The following ACTN2 variants were observed in gnomAD, a reference collection of about 807,000 sequenced individuals.
ACTN2 encodes the protein alpha-actinin-2.
ACTN2 carries 39 observed loss-of-function variants against 113.8 expected under a neutral mutation model. The observed-to-expected ratio is 0.34, with a 90% CI of 0.27 to 0.45. The LOEUF is 0.45. ACTN2 is among the 20% of genes least tolerant of loss of function. ACTN2 has a pLI of 1.00. For synonymous variants in ACTN2, 429 were observed against 444.1 expected (o/e 0.97, Z 0.43); for missense variants, 992 against 1,177.9 (o/e 0.84, Z 2.31).
intron 1 of ACTN2, among the ~76,000 whole-genome samples, chr1:236,689,764 T>C (rs748162632): frequency 1.3e-5 from 2 of 152,218 alleles, no homozygotes; most frequent in Non-Finnish European, 2.9e-5. Flanking sequence ...AATTGGGACC[T>C]CTTCAGTGGA....
chr1:236,716,099 CTTTTTTTTTT>C (rs74259944), intron 1 of ACTN2, among the ~76,000 whole-genome samples: 2 of 118,136 alleles, frequency 1.7e-5, no homozygotes, highest in Non-Finnish European at 3.5e-5. Context: ...CCTTCTTCTT[CTTTTTTTTTT>C]TTTTTTTGGT....
intron 1 of ACTN2, among the ~76,000 whole-genome samples, chr1:236,703,234 T>A (rs1264395778): frequency 6.6e-6 from 1 of 152,090 alleles, no homozygotes; most frequent in East Asian, 1.9e-4. Context: ...GTAAGGCTGT[T>A]TGTTGGGAGC....
At chr1:236,746,615 A>G (rs943865847) in intron 12 of ACTN2, among the ~76,000 whole-genome samples, 2 of 151,844 alleles carry the variant, frequency 1.3e-5, no homozygotes, top group East Asian at 3.9e-4. Flanking sequence ...CTAAGACAGG[A>G]GGATCACTTG....
At chr1:236,698,423 C>G (rs533425470) in intron 1 of ACTN2, among the ~76,000 whole-genome samples, 71 of 152,250 alleles carry the variant, frequency 4.7e-4, no homozygotes, top group Non-Finnish European at 8.7e-4. Flanking sequence ...AAACCGTAAT[C>G]CACTTAGAGA....
At chr1:236,721,819 G>A (rs561470426) in intron 4 of ACTN2, among the ~76,000 whole-genome samples, 87 of 152,266 alleles carry the variant, frequency 5.7e-4, no homozygotes, top group Non-Finnish European at 1.1e-3. Context: ...AGGTGAAGTT[G>A]ACCTCAAGTT....
At chr1:236,720,621 T>C (rs1658357353) in intron 4 of ACTN2, among the ~76,000 whole-genome samples, 1 of 152,170 alleles carries the variant, frequency 6.6e-6, no homozygotes, top group Non-Finnish European at 1.5e-5. Context: ...TTTTCTTTTT[T>C]CTTCTTTTTC....
At chr1:236,696,996 A>T (rs186892963) in intron 1 of ACTN2, among the ~76,000 whole-genome samples, 1 of 152,148 alleles carries the variant, frequency 6.6e-6, no homozygotes, top group African/African-American at 2.4e-5. Flanking sequence ...CCCTTGACCA[A>T]TACCACAAAA....
At chr1:236,691,766 A>G (rs1315093474) in intron 1 of ACTN2, among the ~76,000 whole-genome samples, 1 of 152,242 alleles carries the variant, frequency 6.6e-6, no homozygotes, top group Non-Finnish European at 1.5e-5. Flanking sequence ...AGGTAAGAGT[A>G]TAGAAGGAGA....
intron 4 of ACTN2, among the ~76,000 whole-genome samples, chr1:236,721,943 T>C (rs1450093896): frequency 6.6e-6 from 1 of 152,180 alleles, no homozygotes; most frequent in African/African-American, 2.4e-5. Context: ...AAAATTGTTA[T>C]TAACATGCCC....
intron 7 of ACTN2, chr1:236,734,405 C>A: frequency 6.7e-7 from 1 of 1,481,788 alleles, no homozygotes; most frequent in Non-Finnish European, 9.1e-7. Context: ...AGAACATCCA[C>A]GCGGTTAACC....
At chr1:236,755,737 G>A (rs375160282) in intron 17 of ACTN2, among the ~76,000 whole-genome samples, 2 of 97,888 alleles carry the variant, frequency 2.0e-5, no homozygotes, top group African/African-American at 7.7e-5. Context: ...AGTATATACT[G>A]CAGAGTGCCC....
intron 1 of ACTN2, among the ~76,000 whole-genome samples, chr1:236,704,853 C>T (rs780732832): frequency 1.3e-5 from 2 of 152,110 alleles, no homozygotes; most frequent in Non-Finnish European, 2.9e-5. Context: ...TGTGATTGGA[C>T]AAAAAGGCTG....
At chr1:236,689,286 A>C (rs1665982997) in intron 1 of ACTN2, among the ~76,000 whole-genome samples, 1 of 147,200 alleles carries the variant, frequency 6.8e-6, no homozygotes, top group Admixed American at 6.8e-5. Flanking sequence ...AAATGCCTGC[A>C]GTATTACAGA....
intron 1 of ACTN2, among the ~76,000 whole-genome samples, chr1:236,713,186 A>C (rs1242448400): frequency 6.6e-6 from 1 of 151,550 alleles, no homozygotes; most frequent in Non-Finnish European, 1.5e-5. Flanking sequence ...ATTTATACTG[A>C]TATGGAATGA....
intron 1 of ACTN2, among the ~76,000 whole-genome samples, chr1:236,691,030 C>G (rs988093202): frequency 1.3e-5 from 2 of 150,998 alleles, no homozygotes; most frequent in Non-Finnish European, 2.9e-5. Flanking sequence ...CTCCGTCTCC[C>G]GGGTTCAAGC....
At chr1:236,759,663 C>A in intron 18 of ACTN2, 61 bp from the exon 19 acceptor site, 1 of 1,412,444 alleles carries the variant, frequency 7.1e-7, no homozygotes, top group South Asian at 1.2e-5. Flanking sequence ...TTCAGTTGGT[C>A]AAGTAGAGTT....
At chr1:236,758,685 T>C (rs1659621066) in intron 18 of ACTN2, among the ~76,000 whole-genome samples, 2 of 151,654 alleles carry the variant, frequency 1.3e-5, no homozygotes, top group South Asian at 4.2e-4. Context: ...AATGGTGTGA[T>C]CTCAGCTCCC....
At position 236,742,878 on chromosome 1, in the gene ACTN2, G is replaced by T; in HGVS notation, c.1108-18G>T. Reference sequence around the variant, plus strand: ...TGCTTGTTACACATTTGCTTCCCTTGGCTTCCAACCATCCCAGGATATTGC... The same window carrying T: ...TGCTTGTTACACATTTGCTTCCCTTTGCTTCCAACCATCCCAGGATATTGC... On this transcript the variant is annotated intron_variant, in intron 10 of 20. Coordinates refer to ENST00000366578, the MANE Select transcript of ACTN2 (RefSeq NM_001103.4). The T allele has an allele frequency of 1.9e-6, 3 of 1,614,146 alleles. No individual in the cohort carries two copies. The highest frequency in any genetic ancestry group is 2.5e-6 in the Non-Finnish European group (3 of 1,180,022).
intron 4 of ACTN2, among the ~76,000 whole-genome samples, chr1:236,721,216 C>T (rs183897612): frequency 7.5e-4 from 113 of 151,118 alleles, no homozygotes; most frequent in Admixed American, 5.9e-3. Context: ...TTAGTAGAGA[C>T]GGGGTTTCAC....
Sources: gnomAD v4.1 joint callset for allele counts (sites outside exome capture counted in the v4.1 genomes callset) on GRCh38, gnomAD v4.1.1 for gene constraint, MANE v1.5 for transcripts, NCBI Gene and HGNC (gene_info 2026-07-23, HGNC 2026-07-21) for gene names.